The following AGBL1 variants were observed in gnomAD, a reference collection of about 807,000 sequenced individuals.
AGBL1 encodes AGBL carboxypeptidase 1.
A neutral mutation model predicts 118.9 loss-of-function variants in AGBL1; 130 were observed. The observed-to-expected ratio is 1.09, with a 90% CI of 0.95 to 1.26. The LOEUF is 1.26. Ranked by LOEUF, AGBL1 falls within the 50% of genes most tolerant of loss-of-function variation. The pLI is 0.00. For missense variants in AGBL1, 1,584 were observed against 1,298.1 expected (o/e 1.22, Z -3.38); for synonymous variants, 555 against 478.9 (o/e 1.16, Z -2.08).
chr15:86,944,216 C>T lies in AGBL1; in HGVS notation c.3222-43771C>T, dbSNP rs182444343. ...AGAAACTCTGTCTCTATTAAAAATA[C>T]AAAATTAGCCAGGCATGGTGGCACA... On this transcript the variant is annotated intron_variant, in intron 23 of 24. Transcript: ENST00000441037. 5.3e-3 allele frequency among the ~76,000 whole-genome samples: 811 copies of T among 151,914 alleles called. 8 individuals carry two copies. The highest frequency in any genetic ancestry group is 0.01 in the Middle Eastern group (3 of 294).
chr15:86,940,515 C>T (rs551027571), intron 23 of AGBL1, among the ~76,000 whole-genome samples: 1 of 152,104 alleles, frequency 6.6e-6, no homozygotes, highest in South Asian at 2.1e-4. Context: ...AGCCATGGTC[C>T]CTACCTTCAG....
intron 22 of AGBL1, among the ~76,000 whole-genome samples, chr15:86,884,629 T>C (rs1567223256): frequency 6.6e-6 from 1 of 152,138 alleles, no homozygotes; most frequent in Non-Finnish European, 1.5e-5. Flanking sequence ...CTGGACAACA[T>C]GGTGAAACCC....
At chr15:86,557,412 G>T (rs114129405) in intron 21 of AGBL1, among the ~76,000 whole-genome samples, 4,751 of 152,270 alleles carry the variant, frequency 0.031, 256 homozygotes, top group African/African-American at 0.11. Flanking sequence ...TTAGGAGGAG[G>T]ATGTGAGTCC....
intron 22 of AGBL1, among the ~76,000 whole-genome samples, chr15:86,880,418 G>A (rs1280512109): frequency 2.0e-5 from 3 of 152,180 alleles, no homozygotes; most frequent in African/African-American, 7.2e-5. Context: ...CATGGAGCAG[G>A]GGATGGAGAA....
intron 5 of AGBL1, among the ~76,000 whole-genome samples, chr15:86,198,338 C>T (rs137877845): frequency 3.7e-4 from 57 of 152,188 alleles, no homozygotes; most frequent in African/African-American, 7.5e-4. Context: ...CAATTGTATT[C>T]GACCGTACTT....
At chr15:86,313,443 C>T (rs1320905777) in intron 17 of AGBL1, among the ~76,000 whole-genome samples, 1 of 152,136 alleles carries the variant, frequency 6.6e-6, no homozygotes, top group Non-Finnish European at 1.5e-5. Context: ...TTATGAAAAG[C>T]AAGAATCCTT....
chr15:86,115,284 A>G (rs1316608709), intron 1 of AGBL1, among the ~76,000 whole-genome samples: 1 of 152,228 alleles, frequency 6.6e-6, no homozygotes, highest in Admixed American at 6.5e-5. Flanking sequence ...TTTTGACAGC[A>G]ACATCCACTT....
At chr15:86,173,473 T>A (rs2077441616) in intron 5 of AGBL1, among the ~76,000 whole-genome samples, 2 of 152,188 alleles carry the variant, frequency 1.3e-5, no homozygotes. Context: ...TGTTTGTGTT[T>A]TTGTTGCCTG....
intron 17 of AGBL1, among the ~76,000 whole-genome samples, chr15:86,347,840 C>T (rs1325545303): frequency 1.3e-5 from 2 of 152,194 alleles, no homozygotes; most frequent in Admixed American, 1.3e-4. Flanking sequence ...ATCACTGGTG[C>T]AGTTAGAATT....
chr15:86,621,617 G>T (rs1233138150), intron 21 of AGBL1, among the ~76,000 whole-genome samples: 1 of 152,136 alleles, frequency 6.6e-6, no homozygotes, highest in Non-Finnish European at 1.5e-5. Flanking sequence ...TATATCTTGA[G>T]ATCCTTAATT....
chr15:86,581,317 T>C (rs2084169141), intron 21 of AGBL1, among the ~76,000 whole-genome samples: 1 of 152,136 alleles, frequency 6.6e-6, no homozygotes, highest in Admixed American at 6.6e-5. Flanking sequence ...TTTCTCAAGA[T>C]TTGTCATCTC....
intron 21 of AGBL1, among the ~76,000 whole-genome samples, chr15:86,665,498 T>A (rs2085628909): frequency 6.6e-6 from 1 of 152,168 alleles, no homozygotes; most frequent in East Asian, 1.9e-4. Flanking sequence ...AATTTGCATT[T>A]TATATCAAAG....
At chr15:86,738,824 G>T (rs2077637817) in intron 22 of AGBL1, among the ~76,000 whole-genome samples, 1 of 152,000 alleles carries the variant, frequency 6.6e-6, no homozygotes, top group African/African-American at 2.4e-5. Context: ...ATTTGACCAT[G>T]AAGCCACTTC....
At position 86,541,771 on chromosome 15, in the gene AGBL1, C is replaced by G. The variant is rs76113016; in HGVS notation, c.2686-4231C>G. On this transcript the variant is annotated intron_variant, in intron 19 of 22. Coordinates refer to ENST00000614907, the MANE Select transcript of AGBL1 (RefSeq NM_001386094.1). ...ATAACATCACCTGGAACAGATGCCT[C>G]TAGAGACTGAGCCAATTTTTTTCAA... Among the ~76,000 whole-genome samples, 43 of 152,116 alleles carry G rather than the reference C, an allele frequency of 2.8e-4. 1 individual carries two copies. Among genetic ancestry groups the G allele is most frequent in the Middle Eastern group, 3.4e-3 (1 of 294 alleles).
intron 19 of AGBL1, 36 bp from the exon 20 acceptor site, chr15:86,545,966 C>G: frequency 6.2e-7 from 1 of 1,601,586 alleles, no homozygotes; most frequent in Non-Finnish European, 8.5e-7. Context: ...AATGACCTGA[C>G]CTGGTTTTAT....
chr15:86,225,169 C>T (rs759753000), intron 6 of AGBL1, among the ~76,000 whole-genome samples: 3 of 151,588 alleles, frequency 2.0e-5, no homozygotes, highest in Middle Eastern at 3.4e-3. Context: ...TACATGACCA[C>T]AAAGAGAAAA....
intron 22 of AGBL1, among the ~76,000 whole-genome samples, chr15:86,875,176 T>C (rs550896469): frequency 1.8e-4 from 27 of 152,316 alleles, no homozygotes; most frequent in African/African-American, 6.3e-4. Flanking sequence ...AAGAATCTTT[T>C]AATAACAATA....
intron 4 of AGBL1, among the ~76,000 whole-genome samples, chr15:86,154,993 A>G (rs1251717663): frequency 1.3e-5 from 2 of 152,128 alleles, no homozygotes; most frequent in Non-Finnish European, 2.9e-5. Flanking sequence ...ATTGATTACA[A>G]CATCCCTTAC....
At chr15:86,217,160 C>T (rs1214354040) in intron 5 of AGBL1, among the ~76,000 whole-genome samples, 23 of 152,252 alleles carry the variant, frequency 1.5e-4, no homozygotes, top group Admixed American at 1.5e-3. Flanking sequence ...ATTTAGTGGG[C>T]TTTTCAAAAA....
Sources: gnomAD v4.1 joint callset for allele counts (sites outside exome capture counted in the v4.1 genomes callset) on GRCh38, gnomAD v4.1.1 for gene constraint, MANE v1.5 for transcripts, NCBI Gene and HGNC (gene_info 2026-07-23, HGNC 2026-07-21) for gene names.